AFG2A: variants seen among roughly 807,000 people sequenced by gnomAD.
The protein encoded by AFG2A is ATPase family gene 2 protein homolog A.
chr4:123,092,286 C>A, the AFG2A span, among the ~76,000 whole-genome samples: 60 of 152,284 alleles, frequency 3.9e-4, no homozygotes, highest in African/African-American at 1.4e-3. Context: ...CCAGAAAAAT[C>A]TTTCTCCTGG....
the AFG2A span, among the ~76,000 whole-genome samples, chr4:123,043,615 A>G: frequency 6.6e-6 from 1 of 152,234 alleles, no homozygotes; most frequent in Non-Finnish European, 1.5e-5. Flanking sequence ...TGGGAAATTA[A>G]TCATATCAGT....
the AFG2A span, among the ~76,000 whole-genome samples, chr4:123,107,441 C>T: frequency 1.3e-5 from 2 of 152,206 alleles, no homozygotes; most frequent in Admixed American, 6.5e-5. Context: ...TGGCTGAGTC[C>T]AGGGGATTTT....
the AFG2A span, among the ~76,000 whole-genome samples, chr4:122,931,993 G>A: frequency 6.6e-6 from 1 of 152,150 alleles, no homozygotes; most frequent in Non-Finnish European, 1.5e-5. Flanking sequence ...GAAGCCAGAC[G>A]CAGTGGCTCA....
At chr4:122,960,327 A>G in the AFG2A span, among the ~76,000 whole-genome samples, 136,132 of 152,266 alleles carry the variant, frequency 0.89, 61,277 homozygotes, top group East Asian at 0.96. Flanking sequence ...AACATGAAAT[A>G]TTAATTATGT....
chr4:122,937,523 TA>T, the AFG2A span, among the ~76,000 whole-genome samples: 1 of 152,156 alleles, frequency 6.6e-6, no homozygotes, highest in Admixed American at 6.6e-5. Flanking sequence ...TTTTGAAGTT[TA>T]TTTTTTTCCC....
the AFG2A span, among the ~76,000 whole-genome samples, chr4:123,112,748 A>T: frequency 6.6e-6 from 1 of 152,112 alleles, no homozygotes; most frequent in African/African-American, 2.4e-5. Context: ...TTCCAAAAGT[A>T]TCCACAGGCA....
chr4:123,171,304 GT>G, the AFG2A span, among the ~76,000 whole-genome samples: 1 of 151,968 alleles, frequency 6.6e-6, no homozygotes, highest in African/African-American at 2.4e-5. Context: ...GTCAGGATGG[GT>G]TTTTTTAAAG....
the AFG2A span, among the ~76,000 whole-genome samples, chr4:123,058,159 G>C: frequency 6.6e-6 from 1 of 152,170 alleles, no homozygotes; most frequent in Non-Finnish European, 1.5e-5. Flanking sequence ...TCGTGCTGCT[G>C]ATAAAGACAT....
chr4:123,125,095 A>G, the AFG2A span, among the ~76,000 whole-genome samples: 1 of 152,160 alleles, frequency 6.6e-6, no homozygotes, highest in Non-Finnish European at 1.5e-5. Context: ...ACTTGTATGT[A>G]TAGGAAACAA....
the AFG2A span, among the ~76,000 whole-genome samples, chr4:123,147,180 A>T: frequency 6.6e-6 from 1 of 152,146 alleles, no homozygotes; most frequent in African/African-American, 2.4e-5. Context: ...AAACCAGGAG[A>T]TGTCATGTCT....
At chr4:122,959,915 G>A in the AFG2A span, among the ~76,000 whole-genome samples, 2 of 152,190 alleles carry the variant, frequency 1.3e-5, no homozygotes, top group Admixed American at 6.5e-5. Flanking sequence ...AATAGGAAGT[G>A]TTGCTTTCAA....
the AFG2A span, among the ~76,000 whole-genome samples, chr4:123,035,980 GAA>G: frequency 6.6e-6 from 1 of 152,076 alleles, no homozygotes; most frequent in Admixed American, 6.5e-5. Flanking sequence ...CTGATGTAGA[GAA>G]ACTAGTTTTT....
At chr4:123,060,623 A>AG in the AFG2A span, among the ~76,000 whole-genome samples, 1 of 152,020 alleles carries the variant, frequency 6.6e-6, no homozygotes, top group African/African-American at 2.4e-5. Context: ...CAGCAGTGGC[A>AG]GGGGGGGCCC....
At chr4:123,070,046 G>A in the AFG2A span, among the ~76,000 whole-genome samples, 2 of 152,144 alleles carry the variant, frequency 1.3e-5, no homozygotes, top group Non-Finnish European at 2.9e-5. Flanking sequence ...GTAAGGCTAA[G>A]TAAGGAACTG....
chr4:123,135,849 C>T, the AFG2A span, among the ~76,000 whole-genome samples: 1 of 152,048 alleles, frequency 6.6e-6, no homozygotes, highest in African/African-American at 2.4e-5. Flanking sequence ...ATAGAAAATC[C>T]TAAGGACTCC....
At chr4:123,303,205 C>T in the AFG2A span, among the ~76,000 whole-genome samples, 1 of 152,024 alleles carries the variant, frequency 6.6e-6, no homozygotes. Context: ...GAAATAAAAG[C>T]TCAAGATTTT....
the AFG2A span, among the ~76,000 whole-genome samples, chr4:123,010,573 T>C: frequency 2.0e-5 from 3 of 152,200 alleles, no homozygotes; most frequent in East Asian, 3.8e-4. Flanking sequence ...ATATTAGATA[T>C]TAAAACCTTT....
the AFG2A span, among the ~76,000 whole-genome samples, chr4:123,093,691 T>G: frequency 6.6e-6 from 1 of 152,240 alleles, no homozygotes; most frequent in African/African-American, 2.4e-5. Context: ...AAGTGCTTTC[T>G]GCTGATTTTA....
At chr4:123,274,272 G>A in the AFG2A span, among the ~76,000 whole-genome samples, 1 of 151,964 alleles carries the variant, frequency 6.6e-6, no homozygotes, top group Non-Finnish European at 1.5e-5. Flanking sequence ...AAAACTAATA[G>A]TGCCTGGCCC....
Sources: gnomAD v4.1 joint callset for allele counts (sites outside exome capture counted in the v4.1 genomes callset) on GRCh38, gnomAD v4.1.1 for gene constraint, MANE v1.5 for transcripts, NCBI Gene and HGNC (gene_info 2026-07-23, HGNC 2026-07-21) for gene names.